ZDHHC20: variants seen among roughly 807,000 people sequenced by gnomAD.
The protein encoded by ZDHHC20 is zDHHC palmitoyltransferase 20.
A neutral mutation model predicts 57.8 loss-of-function variants in ZDHHC20; 43 were observed. That is an observed-to-expected ratio of 0.74 (90% CI 0.58 to 0.96). The LOEUF is 0.96. Ranked by LOEUF, ZDHHC20 falls within the 40% of genes least tolerant of loss-of-function variation. ZDHHC20 has a pLI of 0.00. For missense variants in ZDHHC20, 391 were observed against 441.1 expected (o/e 0.89, Z 1.02); for synonymous variants, 157 against 153.0 (o/e 1.03, Z -0.19).
intron 1 of ZDHHC20, among the ~76,000 whole-genome samples, chr13:21,437,900 C>A (rs755900863): frequency 5.3e-5 from 8 of 152,144 alleles, no homozygotes; most frequent in Non-Finnish European, 1.0e-4. Flanking sequence ...ACCATGTTAG[C>A]CAGGATGGTC....
rs936571235 is a variant in ZDHHC20, at chr13:21,417,077, G to A, written c.250-3305C>T. ...ACGAGGTCTGATTCTAAGTACTGGG[G>A]ATACAGGAATAAACAACAAAGATTT... On this transcript the variant is annotated intron_variant, in intron 3 of 12. Transcript: ENST00000400590. 3.3e-5 allele frequency among the ~76,000 whole-genome samples: 5 copies of A among 152,136 alleles called. No homozygotes were observed. The South Asian group carries it at 6.2e-4, about 19-fold the overall frequency.
rs567482580 is a variant in ZDHHC20, at chr13:21,456,236, G to A, written c.118+2818C>T. On this transcript the variant is annotated intron_variant, in intron 1 of 12. Coordinates refer to ENST00000400590, the MANE Select transcript of ZDHHC20 (RefSeq NM_001330059.2). ...GCCTGACCAACAAGGTGAAACCCCCGTCTCTACTAAAAATACAAAAAAAAT... is the reference window on the plus strand; with the variant it reads ...GCCTGACCAACAAGGTGAAACCCCCATCTCTACTAAAAATACAAAAAAAAT... 3.9e-5 allele frequency among the ~76,000 whole-genome samples: 6 copies of A among 152,054 alleles called. No homozygotes were observed. The South Asian group carries it at 6.2e-4, about 16-fold the overall frequency.
chr13:21,413,515 G>T, intron 4 of ZDHHC20, 137 bp downstream of exon 4: 1 of 675,780 alleles, frequency 1.5e-6, no homozygotes, highest in Non-Finnish European at 2.2e-6. Context: ...TAAGGAAACA[G>T]GAAAGTCTTG....
intron 3 of ZDHHC20, among the ~76,000 whole-genome samples, chr13:21,419,815 T>G (rs1880436878): frequency 6.6e-6 from 1 of 152,236 alleles, no homozygotes; most frequent in African/African-American, 2.4e-5. Flanking sequence ...TGTACACATA[T>G]GCATACTTTT....
intron 3 of ZDHHC20, among the ~76,000 whole-genome samples, chr13:21,420,366 C>G (rs1880513380): frequency 6.6e-6 from 1 of 152,164 alleles, no homozygotes; most frequent in Non-Finnish European, 1.5e-5. Context: ...CCTACAGAGA[C>G]AGGCACAATT....
At chr13:21,381,011 T>C (rs1873290110) in intron 11 of ZDHHC20, among the ~76,000 whole-genome samples, 1 of 151,326 alleles carries the variant, frequency 6.6e-6, no homozygotes, top group South Asian at 2.1e-4. Flanking sequence ...TATTTTTTAT[T>C]ATTATTATTT....
rs752994003 is a variant in ZDHHC20, at chr13:21,459,018, C to T, written c.118+36G>A. Reference sequence around the variant, plus strand: ...GCCTATCTCGCGCCCTAGCCGCGGCCCGCGCCCCGCCGCAGTCCCCGGGGA... The same window carrying T: ...GCCTATCTCGCGCCCTAGCCGCGGCTCGCGCCCCGCCGCAGTCCCCGGGGA... On this transcript the variant is annotated intron_variant, in intron 1 of 12. Coordinates refer to ENST00000400590, the MANE Select transcript of ZDHHC20 (RefSeq NM_001330059.2). The T allele has an allele frequency of 1.2e-5, 18 of 1,537,012 alleles. No individual in the cohort carries two copies. The East Asian group carries it at 3.8e-4, about 32-fold the overall frequency.
intron 4 of ZDHHC20, chr13:21,404,287 G>A (rs1026358140): frequency 3.8e-5 from 19 of 494,906 alleles, no homozygotes; most frequent in Admixed American, 3.1e-4. Context: ...TTCTAAAGCC[G>A]ACTTCCCCTG....
intron 6 of ZDHHC20, 65 bp downstream of exon 6, chr13:21,401,588 A>G (rs1418410323): frequency 2.1e-6 from 3 of 1,456,342 alleles, no homozygotes; most frequent in Non-Finnish European, 2.8e-6. Context: ...ATTTAGGAAT[A>G]CTGAAGTTAC....
intron 1 of ZDHHC20, among the ~76,000 whole-genome samples, chr13:21,456,880 C>T (rs1179721335): frequency 6.6e-6 from 1 of 152,192 alleles, no homozygotes; most frequent in Non-Finnish European, 1.5e-5. Context: ...CCATTATGGA[C>T]CAAACAATTA....
At chr13:21,451,700 C>A (rs1478898119) in intron 1 of ZDHHC20, among the ~76,000 whole-genome samples, 1 of 151,946 alleles carries the variant, frequency 6.6e-6, no homozygotes, top group Non-Finnish European at 1.5e-5. Flanking sequence ...CAAAAAAGAC[C>A]ACTTATTGGC....
chr13:21,423,853 A>G (rs1422075052), intron 2 of ZDHHC20, among the ~76,000 whole-genome samples: 2 of 151,972 alleles, frequency 1.3e-5, no homozygotes, highest in Admixed American at 6.6e-5. Flanking sequence ...TACTTCCTTC[A>G]TAAATAGTTT....
intron 1 of ZDHHC20, among the ~76,000 whole-genome samples, chr13:21,441,392 T>TC (rs1883138001): frequency 7.2e-6 from 1 of 138,178 alleles, no homozygotes; most frequent in Non-Finnish European, 1.5e-5. Context: ...CTTTTCTCTC[T>TC]TTTTTTTTTT....
Position 21,375,294 on chromosome 13 carries a change from C to A in ZDHHC20, c.*1402G>T. 1 of 395,654 alleles carries A rather than the reference C, an allele frequency of 2.5e-6. No individual in the cohort carries two copies. 24.5% of individuals were successfully genotyped at this position (395,654 alleles called of 1,614,324 possible). On this transcript the variant is annotated 3_prime_UTR_variant, in exon 13 of 13. Coordinates refer to ENST00000400590, the MANE Select transcript of ZDHHC20 (RefSeq NM_001330059.2). ...CTCCAACCTGTAGTACTCACAGATG[C>A]TGCTGAGATTCATCTCCACCCACTC...
intron 10 of ZDHHC20, chr13:21,382,058 T>G (rs886503641): frequency 4.7e-6 from 2 of 427,730 alleles, no homozygotes; most frequent in African/African-American, 4.0e-5. Context: ...AACTAACATT[T>G]GTTGGTTCCC....
intron 1 of ZDHHC20, among the ~76,000 whole-genome samples, chr13:21,455,380 G>A (rs1884827372): frequency 1.3e-5 from 2 of 152,082 alleles, no homozygotes; most frequent in Non-Finnish European, 2.9e-5. Context: ...AAAACCTTGG[G>A]AACCAGAATT....
intron 12 of ZDHHC20, among the ~76,000 whole-genome samples, chr13:21,377,497 T>G (rs1872384428): frequency 2.4e-5 from 2 of 84,438 alleles, no homozygotes; most frequent in South Asian, 9.0e-4. Context: ...CTGCCCGACG[T>G]GACCTCCACC....
chr13:21,439,628 C>G (rs1318589003), intron 1 of ZDHHC20, among the ~76,000 whole-genome samples: 1 of 152,168 alleles, frequency 6.6e-6, no homozygotes, highest in Non-Finnish European at 1.5e-5. Flanking sequence ...AGAGACATGA[C>G]ATCTGCAATG....
In ZDHHC20 at chr13:21,376,790, ATAT is replaced by A. The variant is rs758158573; in HGVS notation, c.*41-138_*41-136del. ...GAAAATGAATTCCTTAACACTACTA[ATAT>A]TATAACAATAAAGATTTTTGTAGCA... On this transcript the variant is annotated intron_variant, in intron 12 of 12. Coordinates refer to ENST00000400590, the MANE Select transcript of ZDHHC20 (RefSeq NM_001330059.2). The A allele has an allele frequency of 9.1e-4, 423 of 463,870 alleles. 1 individual carries two copies. Among genetic ancestry groups the A allele is most frequent in the Non-Finnish European group, 6.8e-4 (180 of 264,208 alleles). The allele number at this position is 463,870 out of a possible 1,614,324, so 28.7% of individuals were successfully genotyped here. A position where few individuals can be genotyped will look rare whatever the true frequency, so the allele number is the denominator to read the frequency against.
Sources: allele counts gnomAD v4.1 joint callset (sites outside exome capture counted in the v4.1 genomes callset), GRCh38; gene constraint gnomAD v4.1.1; transcripts MANE v1.5; gene names NCBI Gene and HGNC (gene_info 2026-07-23, HGNC 2026-07-21).